The following ACOX1 variants were observed in gnomAD, a reference collection of about 807,000 sequenced individuals.
ACOX1 encodes the protein acyl-CoA oxidase 1, also known as peroxisomal acyl-coenzyme A oxidase 1.
A neutral mutation model predicts 75.5 loss-of-function variants in ACOX1; 41 were observed. That is an observed-to-expected ratio of 0.54 (90% CI 0.42 to 0.70). The LOEUF (loss-of-function observed/expected upper bound fraction) is 0.70. Among genes scored for constraint, ACOX1 ranks in the 30% least tolerant of loss-of-function variants. The probability of loss-of-function intolerance (pLI) is 0.00; values close to 1 mark genes in which losing one functional copy is unlikely to be tolerated. For missense variants in ACOX1, 630 were observed against 837.5 expected (o/e 0.75, Z 3.06); for synonymous variants, 303 against 298.8 (o/e 1.01, Z -0.15).
Position 75,960,856 on chromosome 17 carries a change from T to G in ACOX1, c.270-481A>C, listed in dbSNP as rs773836836. Among the ~76,000 whole-genome samples, 1 of 151,888 alleles carries G rather than the reference T, an allele frequency of 6.6e-6. No individual in the cohort carries two copies. The highest frequency in any genetic ancestry group is 1.9e-4 in the East Asian group (1 of 5,184). On this transcript the variant is annotated intron_variant, in intron 2 of 13. Transcript: ENST00000293217. The surrounding 1 kb of genome is among the most constrained non-coding windows in gnomAD (Gnocchi z 4.4). ...AGCTGAACGTGGTGGCGCCAGCCAG[T>G]AGTCCCAGCTATTTGGGAGCCTGAG...
chr17:75,951,344 C>A, intron 8 of ACOX1, 71 bp downstream of exon 8: 2 of 1,581,030 alleles, frequency 1.3e-6, no homozygotes, highest in East Asian at 2.2e-5. Context: ...ATTTAGTTAT[C>A]TCTGGACCTC....
Position 75,978,467 on chromosome 17 carries a change from G to T in ACOX1, c.269+67C>A. The T allele has an allele frequency of 6.3e-7, 1 of 1,588,360 alleles. No homozygotes were observed. Among genetic ancestry groups the T allele is most frequent in the African/African-American group, 1.3e-5 (1 of 74,468 alleles). On this transcript the variant is annotated intron_variant, in intron 2 of 13. Transcript: ENST00000293217. The surrounding 1 kb of genome is among the most constrained non-coding windows in gnomAD (Gnocchi z 4.2). The stretch of plus-strand genomic sequence containing the variant: ...CAAACACCAAGCACGGTGATGAAAG[G>T]CCACCATAGACCGCAGCTGTAAAGT...
At chr17:75,966,144 AT>A (rs2065930060) in intron 2 of ACOX1, among the ~76,000 whole-genome samples, 1 of 151,336 alleles carries the variant, frequency 6.6e-6, no homozygotes, top group Non-Finnish European at 1.5e-5. Context: ...AAGAAAAAAA[AT>A]AATAAATAAA....
In ACOX1 at chr17:75,959,817, T is replaced by G. The variant is rs370767632; in HGVS notation, c.430+398A>C. Among the ~76,000 whole-genome samples, 45 of 152,330 alleles carry G rather than the reference T, an allele frequency of 3.0e-4. 1 individual carries two copies. The East Asian group carries it at 5.6e-3, about 19-fold the overall frequency. ...ATCCAAGAGTACACAAACTATTATT[T>G]GTATTTCTTCTGGAATTTGTACTCA... On this transcript the variant is annotated intron_variant, in intron 3 of 13. Coordinates refer to ENST00000293217, the MANE Select transcript of ACOX1 (RefSeq NM_004035.7).
In ACOX1 at chr17:75,944,666, C is replaced by T. The variant is rs1320248600; in HGVS notation, c.*2082G>A. The T allele has an allele frequency of 6.6e-6, 1 of 152,130 alleles. No individual in the cohort carries two copies. The highest frequency in any genetic ancestry group is 1.5e-5 in the Non-Finnish European group (1 of 68,036). The allele number at this position is 152,130 out of a possible 1,614,324, so 9.4% of individuals were successfully genotyped here. On this transcript the variant is annotated 3_prime_UTR_variant, in exon 14 of 14. Transcript: ENST00000293217. ...TACAAATCAGTGACGTTTACTCTAT[C>T]TTTATTCTTGATTATATTGAATAAA...
chr17:75,941,823 A>G lies in ACOX1; in HGVS notation c.*4925T>C, dbSNP rs1020023184. ...CCAAGGCAGTCATTTAGTTGAATCC[A>G]TAACTGGAAATAAAAAGGCATTTAT... On this transcript the variant is annotated 3_prime_UTR_variant, in exon 14 of 14. Coordinates refer to ENST00000293217, the MANE Select transcript of ACOX1 (RefSeq NM_004035.7). 3.3e-5 allele frequency: 5 copies of G among 152,260 alleles called. No individual in the cohort carries two copies. Among genetic ancestry groups the G allele is most frequent in the Admixed American group, 2.0e-4 (3 of 15,282 alleles). 9.4% of individuals were successfully genotyped at this position (152,260 alleles called of 1,614,324 possible).
chr17:75,943,921 A>C lies in ACOX1; in HGVS notation c.*2827T>G, dbSNP rs1278201575. 1 of 152,170 alleles carries C rather than the reference A, an allele frequency of 6.6e-6. No homozygotes were observed. Among genetic ancestry groups the C allele is most frequent in the Non-Finnish European group, 1.5e-5 (1 of 68,020 alleles). 9.4% of individuals were successfully genotyped at this position (152,170 alleles called of 1,614,324 possible). Reference sequence around the variant, plus strand: ...AAATCAATATTATCTAACACACACAAAAAATCTCATTAATTCTCCTCACTC... The same window carrying C: ...AAATCAATATTATCTAACACACACACAAAATCTCATTAATTCTCCTCACTC... On this transcript the variant is annotated 3_prime_UTR_variant, in exon 14 of 14. Coordinates refer to ENST00000293217, the MANE Select transcript of ACOX1 (RefSeq NM_004035.7).
At position 75,978,572 on chromosome 17, in the gene ACOX1, A is replaced by G; in HGVS notation, c.231T>C (p.Phe77=). ...TAATTTCATCAGGGTCAGCGATGCCAAACTCCCTCATCTTCTTCACCATGA... is the reference window on the plus strand; with the variant it reads ...TAATTTCATCAGGGTCAGCGATGCCGAACTCCCTCATCTTCTTCACCATGA... ...SAIMVKKMRE[F]GIADPDEIMW... The change falls in exon 2 of 14, where the codon TTT becomes TTC. Residue 77 remains phenylalanine (F), a synonymous_variant. Coordinates refer to ENST00000293217, the MANE Select transcript of ACOX1 (RefSeq NM_004035.7). This position sits in a 1 kb window ranked among gnomAD's most constrained non-coding sequence, Gnocchi z 4.2. 6.2e-7 allele frequency: 1 copy of G among 1,614,176 alleles called. No homozygotes were observed. Among genetic ancestry groups the G allele is most frequent in the Non-Finnish European group, 8.5e-7 (1 of 1,180,026 alleles).
chr17:75,974,918 T>C (rs1421674544), intron 2 of ACOX1, among the ~76,000 whole-genome samples: 5 of 150,888 alleles, frequency 3.3e-5, no homozygotes, highest in Admixed American at 6.6e-5. Flanking sequence ...GGTGTGGTGG[T>C]GGGCTCCTGT....
At chr17:75,969,414 C>T (rs1276397269) in intron 2 of ACOX1, among the ~76,000 whole-genome samples, 1 of 152,202 alleles carries the variant, frequency 6.6e-6, no homozygotes, top group Non-Finnish European at 1.5e-5. Context: ...GATCCACCCA[C>T]GCTGGCCTCC....
chr17:75,970,805 G>C (rs1025070980), intron 2 of ACOX1, among the ~76,000 whole-genome samples: 25 of 152,134 alleles, frequency 1.6e-4, no homozygotes, highest in Non-Finnish European at 1.0e-4. Context: ...TTGACTTTTT[G>C]TGTATTCCAT....
rs1347263671 is a variant in ACOX1, at chr17:75,945,071, T to A, written c.*1677A>T. On this transcript the variant is annotated 3_prime_UTR_variant, in exon 14 of 14. Coordinates refer to ENST00000293217, the MANE Select transcript of ACOX1 (RefSeq NM_004035.7). ...CCAGATTTAGATTTTAAATAAAACG[T>A]GAGGTACTGGGTCAAAGGGGGCTCT... 3.3e-5 allele frequency: 5 copies of A among 152,048 alleles called. No individual in the cohort carries two copies. Among genetic ancestry groups the A allele is most frequent in the African/African-American group, 1.2e-4 (5 of 41,404 alleles). The allele number at this position is 152,048 out of a possible 1,614,324, so 9.4% of individuals were successfully genotyped here.
intron 2 of ACOX1, among the ~76,000 whole-genome samples, chr17:75,966,382 G>A (rs1003615297): frequency 7.9e-5 from 12 of 151,522 alleles, no homozygotes; most frequent in Middle Eastern, 3.4e-3. Context: ...GCTTGAACCC[G>A]GGAGGCGGAG....
intron 6 of ACOX1, among the ~76,000 whole-genome samples, chr17:75,954,087 C>T (rs1009919578): frequency 6.6e-6 from 1 of 151,934 alleles, no homozygotes; most frequent in South Asian, 2.1e-4. Context: ...TGTGGTGGCA[C>T]GTGCCTGTAA....
intron 8 of ACOX1, 43 bp from the exon 9 acceptor site, chr17:75,951,007 G>C: frequency 3.1e-6 from 5 of 1,594,374 alleles, no homozygotes; most frequent in Non-Finnish European, 4.3e-6. Flanking sequence ...CTGTGGTGCT[G>C]AGAGCCCGAG....
At chr17:75,957,006 T>TACACACAC (rs1229867011) in intron 4 of ACOX1, among the ~76,000 whole-genome samples, 13 of 105,622 alleles carry the variant, frequency 1.2e-4, no homozygotes, top group African/African-American at 5.0e-4. Context: ...TATATATATA[T>TACACACAC]ATACACACAC....
intron 4 of ACOX1, 21 bp downstream of exon 4, chr17:75,957,438 A>C: frequency 6.3e-7 from 1 of 1,586,536 alleles, no homozygotes; most frequent in Non-Finnish European, 8.7e-7. Flanking sequence ...ACATCCAATA[A>C]ATGCTGAAAA....
At position 75,941,613 on chromosome 17, in the gene ACOX1, C is replaced by G. The variant is rs2065671049; in HGVS notation, c.*5135G>C. On this transcript the variant is annotated 3_prime_UTR_variant, in exon 14 of 14. Coordinates refer to ENST00000293217, the MANE Select transcript of ACOX1 (RefSeq NM_004035.7). ...TACCCGCAGTGCTGGCAGGTCACAG[C>G]TGTCCAACCATGATCCATTCACATG... 1 of 152,292 alleles carries G rather than the reference C, an allele frequency of 6.6e-6. No homozygotes were observed. Among genetic ancestry groups the G allele is most frequent in the African/African-American group, 2.4e-5 (1 of 41,440 alleles). 9.4% of individuals were successfully genotyped at this position (152,292 alleles called of 1,614,324 possible). A position where few individuals can be genotyped will look rare whatever the true frequency, so the allele number is the denominator to read the frequency against.
chr17:75,961,192 C>T (rs1006951216), intron 2 of ACOX1, among the ~76,000 whole-genome samples: 10 of 150,102 alleles, frequency 6.7e-5, no homozygotes, highest in African/African-American at 2.5e-4. Context: ...ACTCAGGAGG[C>T]TGAGGCAGGA....
Sources: allele counts gnomAD v4.1 joint callset (sites outside exome capture counted in the v4.1 genomes callset), GRCh38; gene constraint gnomAD v4.1.1; non-coding constraint Gnocchi (gnomAD v3.1); transcripts MANE v1.5; gene names NCBI Gene and HGNC (gene_info 2026-07-23, HGNC 2026-07-21).